The following ZC3H12D variants were observed in gnomAD, a reference collection of about 807,000 sequenced individuals.
ZC3H12D encodes the protein zinc finger CCCH-type containing 12D.
In ZC3H12D, 11 loss-of-function variants were observed where a neutral mutation model predicts 24.2. The observed-to-expected ratio is 0.46, with a 90% CI of 0.29 to 0.75. The LOEUF is 0.75. Ranked by LOEUF, ZC3H12D falls within the 30% of genes least tolerant of loss-of-function variation. ZC3H12D has a pLI of 0.11. For synonymous variants in ZC3H12D, 333 were observed against 341.8 expected, an observed-to-expected ratio of 0.97 and a Z score of 0.28; for missense variants, 740 against 767.7, an observed-to-expected ratio of 0.96 and a Z score of 0.43.
chr6:149,482,507 C>CA (rs1776442612), intron 1 of ZC3H12D, among the ~76,000 whole-genome samples: 1 of 152,166 alleles, frequency 6.6e-6, no homozygotes, highest in Non-Finnish European at 1.5e-5. Context: ...GTCACAGGAG[C>CA]AGCTTCCTGT....
chr6:149,450,543 G>C lies in ZC3H12D; in HGVS notation c.*140C>G. ...CCCCCACAACCCCGCTCAGGAGGAGGAAGCAGGCTTCCCTGACCATCTTTA... is the reference window on the plus strand; with the variant it reads ...CCCCCACAACCCCGCTCAGGAGGAGCAAGCAGGCTTCCCTGACCATCTTTA... On this transcript the variant is annotated 3_prime_UTR_variant, in exon 6 of 6. Coordinates refer to ENST00000409806, the MANE Select transcript of ZC3H12D (RefSeq NM_207360.3). 1 of 914,426 alleles carries C rather than the reference G, an allele frequency of 1.1e-6. No homozygotes were observed. The highest frequency in any genetic ancestry group is 1.6e-6 in the Non-Finnish European group (1 of 636,236). The allele number at this position is 914,426 out of a possible 1,614,324, so 56.6% of individuals were successfully genotyped here. A position where few individuals can be genotyped will look rare whatever the true frequency, so the allele number is the denominator to read the frequency against.
Position 149,450,474 on chromosome 6 carries a change from G to T in ZC3H12D, c.*209C>A. On this transcript the variant is annotated 3_prime_UTR_variant, in exon 6 of 6. Transcript: ENST00000409806. ...TCCACGGAAGTGGGTGGACCTCCCC[G>T]CAGCAGGCCCCGGCCTCAGTGAGGA... 1.8e-6 allele frequency: 1 copy of T among 542,732 alleles called. No individual in the cohort carries two copies. Among genetic ancestry groups the T allele is most frequent in the Non-Finnish European group, 3.2e-6 (1 of 314,426 alleles). The allele number at this position is 542,732 out of a possible 1,614,324, so 33.6% of individuals were successfully genotyped here. A position where few individuals can be genotyped will look rare whatever the true frequency, so the allele number is the denominator to read the frequency against.
chr6:149,460,745 G>A lies in ZC3H12D; in HGVS notation c.445+1086C>T, dbSNP rs552646776. Among the ~76,000 whole-genome samples, 122 of 151,978 alleles carry A rather than the reference G, an allele frequency of 8.0e-4. 1 individual carries two copies. Among genetic ancestry groups the A allele is most frequent in the Middle Eastern group, 6.8e-3 (2 of 294 alleles). ...CTCAGGAGGCTAAAGCAGGAGAATC[G>A]CTTGAACCTGAGAGGCAGAGGTTGC... On this transcript the variant is annotated intron_variant, in intron 3 of 5. Transcript: ENST00000409806.
rs1775915562 is a variant in ZC3H12D, at chr6:149,452,364, C to A, written c.787+252G>T. Reference sequence around the variant, plus strand: ...CAGGCTCCCGGCTTCTCAGACACAGCTTTGCTGTGTGCATGACCCCTGCAT... The same window carrying A: ...CAGGCTCCCGGCTTCTCAGACACAGATTTGCTGTGTGCATGACCCCTGCAT... On this transcript the variant is annotated intron_variant, in intron 5 of 5. Coordinates refer to ENST00000409806, the MANE Select transcript of ZC3H12D (RefSeq NM_207360.3). The surrounding 1 kb of genome is among the most constrained non-coding windows in gnomAD (Gnocchi z 4.0). 2.4e-6 allele frequency: 1 copy of A among 413,032 alleles called. No individual in the cohort carries two copies. The highest frequency in any genetic ancestry group is 4.3e-6 in the Non-Finnish European group (1 of 233,780). 25.6% of individuals were successfully genotyped at this position (413,032 alleles called of 1,614,324 possible). A position where few individuals can be genotyped will look rare whatever the true frequency, so the allele number is the denominator to read the frequency against.
intron 1 of ZC3H12D, among the ~76,000 whole-genome samples, chr6:149,480,802 G>A (rs1197522154): frequency 6.7e-6 from 1 of 148,758 alleles, no homozygotes; most frequent in South Asian, 2.6e-4. Context: ...GAGGGGCAGG[G>A]AAGGCCAAGG....
chr6:149,459,744 G>C (rs1460398319), intron 3 of ZC3H12D: 2 of 716,178 alleles, frequency 2.8e-6, no homozygotes, highest in Non-Finnish European at 2.6e-6. Flanking sequence ...TGACCTCCTA[G>C]AATAAAACCA....
At chr6:149,477,575 T>A (rs1437354513) in intron 1 of ZC3H12D, among the ~76,000 whole-genome samples, 1 of 152,206 alleles carries the variant, frequency 6.6e-6, no homozygotes, top group Non-Finnish European at 1.5e-5. Flanking sequence ...CTGATTCTTC[T>A]CCTCAATTGG....
At chr6:149,455,906 A>G (rs1189262560) in intron 4 of ZC3H12D, among the ~76,000 whole-genome samples, 1 of 151,674 alleles carries the variant, frequency 6.6e-6, no homozygotes, top group Non-Finnish European at 1.5e-5. Flanking sequence ...TGTCAAAGAA[A>G]AAAAAAAATC....
At chr6:149,464,770 A>T (rs1776124444) in intron 2 of ZC3H12D, among the ~76,000 whole-genome samples, 1 of 152,214 alleles carries the variant, frequency 6.6e-6, no homozygotes, top group South Asian at 2.1e-4. Context: ...CAAAGGGAAG[A>T]GCTGACCGGA....
At chr6:149,475,574 G>A (rs1318651447) in intron 1 of ZC3H12D, among the ~76,000 whole-genome samples, 2 of 152,208 alleles carry the variant, frequency 1.3e-5, no homozygotes, top group African/African-American at 4.8e-5. Flanking sequence ...AAATTAGCCA[G>A]GCATGGTGGC....
In ZC3H12D at chr6:149,446,830, T is replaced by C. The variant is rs1775780469; in HGVS notation, c.*3853A>G. ...GCTGGATCCATTTTATTTGGAAGAA[T>C]GCCAATTAGAGTGGCTTGTCTTGCT... On this transcript the variant is annotated 3_prime_UTR_variant, in exon 6 of 6. Coordinates refer to ENST00000409806, the MANE Select transcript of ZC3H12D (RefSeq NM_207360.3). 4.6e-5 allele frequency: 7 copies of C among 152,354 alleles called. No individual in the cohort carries two copies. The South Asian group carries it at 1.4e-3, about 32-fold the overall frequency. 9.4% of individuals were successfully genotyped at this position (152,354 alleles called of 1,614,324 possible).
chr6:149,460,368 A>G (rs1776052828), intron 3 of ZC3H12D, among the ~76,000 whole-genome samples: 1 of 152,242 alleles, frequency 6.6e-6, no homozygotes. Flanking sequence ...CTGTATAAGA[A>G]GCCAAACAAC....
chr6:149,476,767 C>A (rs980744084), intron 1 of ZC3H12D, among the ~76,000 whole-genome samples: 1 of 151,952 alleles, frequency 6.6e-6, no homozygotes, highest in Non-Finnish European at 1.5e-5. Flanking sequence ...GAGATCATAC[C>A]ACTGCACTTC....
chr6:149,481,773 G>A (rs763464972), intron 1 of ZC3H12D, among the ~76,000 whole-genome samples: 2 of 152,168 alleles, frequency 1.3e-5, no homozygotes, highest in Non-Finnish European at 1.5e-5. Context: ...ACTGAGGCTC[G>A]GAAAGTAAAG....
chr6:149,467,383 G>A (rs543910501), intron 2 of ZC3H12D, among the ~76,000 whole-genome samples: 12 of 152,094 alleles, frequency 7.9e-5, no homozygotes, highest in East Asian at 1.9e-4. Context: ...CTCCCAAGTC[G>A]CTGGGACTAC....
Position 149,456,300 on chromosome 6 carries a change from A to G in ZC3H12D, c.680+366T>C, listed in dbSNP as rs1775978543. Among the ~76,000 whole-genome samples the G allele has an allele frequency of 6.6e-6, 1 of 152,174 alleles. No individual in the cohort carries two copies. Among genetic ancestry groups the G allele is most frequent in the South Asian group, 2.1e-4 (1 of 4,818 alleles). ...AAATAAAATAAGACAAAAACCTGAA[A>G]TAAGTGAAAAGCAATACAACAAAGT... On this transcript the variant is annotated intron_variant, in intron 4 of 5. Coordinates refer to ENST00000409806, the MANE Select transcript of ZC3H12D (RefSeq NM_207360.3). This position sits in a 1 kb window ranked among gnomAD's most constrained non-coding sequence, Gnocchi z 4.3.
chr6:149,457,861 AT>A (rs1196726075), intron 3 of ZC3H12D, among the ~76,000 whole-genome samples: 1 of 152,134 alleles, frequency 6.6e-6, no homozygotes, highest in Non-Finnish European at 1.5e-5. Flanking sequence ...CTGTTGGCTG[AT>A]TTTTAAAACG....
intron 3 of ZC3H12D, 174 bp downstream of exon 3, chr6:149,461,657 G>A (rs1776074025): frequency 1.6e-6 from 1 of 613,564 alleles, no homozygotes; most frequent in Admixed American, 3.5e-5. Flanking sequence ...GGTGCTAGGT[G>A]CTAGGGCTAT....
rs569692104 is a variant in ZC3H12D at position 149,452,555 on chromosome 6, T to C, written c.787+61A>G. 4 of 1,366,484 alleles carry C rather than the reference T, an allele frequency of 2.9e-6. No individual in the cohort carries two copies. In the East Asian group the frequency reaches 1.1e-4, roughly 36 times the overall value. 84.6% of individuals were successfully genotyped at this position (1,366,484 alleles called of 1,614,324 possible). On this transcript the variant is annotated intron_variant, in intron 5 of 5. Coordinates refer to ENST00000409806, the MANE Select transcript of ZC3H12D (RefSeq NM_207360.3). This position sits in a 1 kb window ranked among gnomAD's most constrained non-coding sequence, Gnocchi z 4.0. ...CCAGGCCAGCGCTTTTTGACTGTGC[T>C]CCTGTACTGCCCCCACACAAGGCCC...
Sources: allele counts gnomAD v4.1 joint callset (sites outside exome capture counted in the v4.1 genomes callset), GRCh38; gene constraint gnomAD v4.1.1; non-coding constraint Gnocchi (gnomAD v3.1); transcripts MANE v1.5; gene names NCBI Gene and HGNC (gene_info 2026-07-23, HGNC 2026-07-21).